Variants in BABAM2 observed in about 807,000 individuals in gnomAD.
BABAM2 encodes BRISC and BRCA1-A complex member 2.
In BABAM2, 31 loss-of-function variants were observed where a neutral mutation model predicts 54.7. That is an observed-to-expected ratio of 0.57 (90% CI 0.43 to 0.77). The LOEUF is 0.77. Ranked by LOEUF, BABAM2 falls within the 30% of genes least tolerant of loss-of-function variation. The pLI is 0.00. For missense variants in BABAM2, 364 were observed against 455.8 expected, an observed-to-expected ratio of 0.80 and a Z score of 1.83; for synonymous variants, 167 against 162.9, an observed-to-expected ratio of 1.03 and a Z score of -0.19.
At chr2:28,079,467 G>T (rs1416098676) in intron 6 of BABAM2, among the ~76,000 whole-genome samples, 1 of 152,152 alleles carries the variant, frequency 6.6e-6, no homozygotes, top group Admixed American at 6.5e-5. Flanking sequence ...GGAATTAGAG[G>T]TAAAATAAAA....
chr2:28,148,705 A>G (rs1671734890), intron 7 of BABAM2, among the ~76,000 whole-genome samples: 1 of 152,154 alleles, frequency 6.6e-6, no homozygotes, highest in Non-Finnish European at 1.5e-5. Flanking sequence ...TCTCTCTGTA[A>G]CAGACATGCA....
intron 7 of BABAM2, among the ~76,000 whole-genome samples, chr2:28,168,474 TG>T (rs1673957679): frequency 6.6e-6 from 1 of 152,200 alleles, no homozygotes; most frequent in Non-Finnish European, 1.5e-5. Flanking sequence ...CTGCTTTGTA[TG>T]GGCTGTGATC....
At chr2:28,242,929 CTTATTT>C (rs1682578812) in intron 9 of BABAM2, among the ~76,000 whole-genome samples, 1 of 152,040 alleles carries the variant, frequency 6.6e-6, no homozygotes, top group Non-Finnish European at 1.5e-5. Context: ...CATTGATCTT[CTTATTT>C]TTAAGTAAGA....
intron 2 of BABAM2, among the ~76,000 whole-genome samples, chr2:27,913,491 A>G (rs969706191): frequency 6.6e-6 from 1 of 152,206 alleles, no homozygotes; most frequent in African/African-American, 2.4e-5. Context: ...CAAATATGGT[A>G]GATGGTTATA....
intron 11 of BABAM2, chr2:28,308,926 G>A (rs1688806692): frequency 6.6e-6 from 1 of 152,586 alleles, no homozygotes. Flanking sequence ...GGTATCACAT[G>A]GGGTGTATGA....
Position 27,927,069 on chromosome 2 carries a change from A to G in BABAM2, c.129-2763A>G, listed in dbSNP as rs542235641. Among the ~76,000 whole-genome samples, 11 of 152,276 alleles carry G rather than the reference A, an allele frequency of 7.2e-5. No homozygotes were observed. The South Asian group carries it at 2.1e-3, about 29-fold the overall frequency. ...TGCTATAATTTTGTATCCTTTAACA[A>G]ATCTCTTCCTATCCCCCTTAGAAAT... is the stretch of plus-strand genomic sequence containing the variant. On this transcript the variant is annotated intron_variant, in intron 2 of 11. Coordinates refer to ENST00000379624, the MANE Select transcript of BABAM2 (RefSeq NM_199191.3).
At chr2:28,124,926 T>A (rs1669375710) in intron 6 of BABAM2, among the ~76,000 whole-genome samples, 1 of 152,208 alleles carries the variant, frequency 6.6e-6, no homozygotes, top group East Asian at 1.9e-4. Flanking sequence ...TTTTCTGTGA[T>A]GGCAGAAGAG....
intron 4 of BABAM2, among the ~76,000 whole-genome samples, chr2:28,024,571 T>C (rs529945911): frequency 6.6e-6 from 1 of 152,296 alleles, no homozygotes; most frequent in African/African-American, 2.4e-5. Context: ...CTGAGTGTGA[T>C]TGAGTTCCAA....
chr2:28,270,160 G>A (rs749107736), intron 10 of BABAM2, among the ~76,000 whole-genome samples: 6 of 151,904 alleles, frequency 3.9e-5, no homozygotes, highest in Non-Finnish European at 7.4e-5. Flanking sequence ...CTTGCTCTTT[G>A]ACACAGGTTG....
At chr2:28,081,157 C>T (rs990831318) in intron 6 of BABAM2, among the ~76,000 whole-genome samples, 3 of 152,162 alleles carry the variant, frequency 2.0e-5, no homozygotes, top group Non-Finnish European at 4.4e-5. Context: ...TGCAGCCAGC[C>T]ACATAGATTC....
chr2:28,271,467 C>CT (rs1389486408), intron 10 of BABAM2, among the ~76,000 whole-genome samples: 3 of 152,152 alleles, frequency 2.0e-5, no homozygotes, highest in Non-Finnish European at 4.4e-5. Context: ...TGACATGACT[C>CT]TGTCACAGTC....
intron 10 of BABAM2, among the ~76,000 whole-genome samples, chr2:28,283,929 G>A (rs886629658): frequency 6.6e-6 from 1 of 152,162 alleles, no homozygotes; most frequent in Non-Finnish European, 1.5e-5. Flanking sequence ...TATCTGGAAA[G>A]CACAGCTGTC....
At chr2:28,214,264 A>G (rs920406978) in intron 7 of BABAM2, among the ~76,000 whole-genome samples, 9 of 152,186 alleles carry the variant, frequency 5.9e-5, no homozygotes, top group African/African-American at 1.4e-4. Flanking sequence ...GAACTGTTCT[A>G]TCACCACAAA....
chr2:27,985,396 A>AT (rs962490882), intron 3 of BABAM2, among the ~76,000 whole-genome samples: 6 of 151,902 alleles, frequency 3.9e-5, no homozygotes, highest in African/African-American at 1.2e-4. Context: ...TATTATTAAT[A>AT]TTTTTTTGAT....
intron 11 of BABAM2, among the ~76,000 whole-genome samples, chr2:28,306,470 ACT>A (rs1572384552): frequency 6.6e-6 from 1 of 151,408 alleles, no homozygotes; most frequent in African/African-American, 2.4e-5. Context: ...TTATGAGATG[ACT>A]CTATTTCTGG....
intron 5 of BABAM2, among the ~76,000 whole-genome samples, chr2:28,039,779 T>G (rs1193092980): frequency 6.6e-6 from 1 of 152,254 alleles, no homozygotes; most frequent in Admixed American, 6.5e-5. Flanking sequence ...ACTCAGAGTC[T>G]TGTTAGTTTA....
At chr2:28,013,325 C>A (rs960854281) in intron 4 of BABAM2, 3 of 455,488 alleles carry the variant, frequency 6.6e-6, no homozygotes, top group Non-Finnish European at 1.3e-5. Context: ...GATATTTGAA[C>A]ATGCCCTAGA....
At chr2:28,127,284 G>A (rs961804813) in intron 6 of BABAM2, among the ~76,000 whole-genome samples, 1 of 152,200 alleles carries the variant, frequency 6.6e-6, no homozygotes, top group African/African-American at 2.4e-5. Flanking sequence ...AGAAAAGAGA[G>A]TTTCGAGAGG....
chr2:28,254,450 GT>G (rs922780582), intron 10 of BABAM2, among the ~76,000 whole-genome samples: 5 of 150,554 alleles, frequency 3.3e-5, no homozygotes, highest in African/African-American at 1.2e-4. Context: ...GCCCATTGTT[GT>G]TTTTTTTAAC....
Sources: allele counts gnomAD v4.1 joint callset (sites outside exome capture counted in the v4.1 genomes callset), GRCh38; gene constraint gnomAD v4.1.1; transcripts MANE v1.5; gene names NCBI Gene and HGNC (gene_info 2026-07-23, HGNC 2026-07-21).